DENND1A: variants seen among roughly 807,000 people sequenced by gnomAD.
DENND1A encodes the protein DENN domain-containing protein 1A.
In DENND1A, 51 loss-of-function variants were observed where a neutral mutation model predicts 113.7. The observed-to-expected ratio is 0.45, with a 90% CI of 0.36 to 0.57. The LOEUF (loss-of-function observed/expected upper bound fraction) is 0.57, where lower values mean the gene tolerates loss of function less well. Among genes scored for constraint, DENND1A ranks in the 20% least tolerant of loss-of-function variants. The probability of loss-of-function intolerance (pLI) is 0.00; values close to 1 mark genes in which losing one functional copy is unlikely to be tolerated. For missense variants in DENND1A, 1,258 were observed against 1,395.9 expected, an observed-to-expected ratio of 0.90 and a Z score of 1.57; for synonymous variants, 565 against 570.8, an observed-to-expected ratio of 0.99 and a Z score of 0.14.
In DENND1A at chr9:123,383,828, T is replaced by G. The variant is rs754580261; in HGVS notation, c.1846A>C (p.Thr616Pro). 3 of 1,613,946 alleles carry G rather than the reference T, an allele frequency of 1.9e-6. No homozygotes were observed. The South Asian group carries it at 3.3e-5, about 18-fold the overall frequency. Residue 616 changes from threonine (T) to proline (P), a missense_variant, in exon 23 of 24, where the codon ACA becomes CCA. By Grantham distance (38) the Thr-to-Pro change is conservative. Transcript: ENST00000394215. ...TCAGGGGGAGCTGGGACAGGGCCTG[T>G]GGACTTCCGCACTTGCTGCTCTGGA... Reference protein sequence around the residue: ...ESPEQQVRKSTGPVPAPPDRA... With the variant: ...ESPEQQVRKSPGPVPAPPDRA...
chr9:123,497,710 C>G (rs2052057308), intron 13 of DENND1A, among the ~76,000 whole-genome samples: 1 of 151,196 alleles, frequency 6.6e-6, no homozygotes, highest in Non-Finnish European at 1.5e-5. Context: ...TTATTTCAAC[C>G]CAAAAAACTA....
rs542403575 is a variant in DENND1A at position 123,861,994 on chromosome 9, C to T, written c.88+16957G>A. On this transcript the variant is annotated intron_variant, in intron 2 of 23. Transcript: ENST00000394215. ...CCAGGCAAATCATTTTAAGCTAGTA[C>T]CATACTACACAGGCTCTTTCAGCAA... 4.6e-5 allele frequency among the ~76,000 whole-genome samples: 7 copies of T among 152,274 alleles called. No homozygotes were observed. The East Asian group carries it at 1.2e-3, about 25-fold the overall frequency.
At chr9:123,848,544 G>A (rs1300863385) in intron 2 of DENND1A, among the ~76,000 whole-genome samples, 1 of 152,168 alleles carries the variant, frequency 6.6e-6, no homozygotes, top group Middle Eastern at 3.4e-3. Context: ...CTTATTCCTT[G>A]AGACACAATA....
chr9:123,657,372 T>C (rs2063006089), intron 8 of DENND1A, among the ~76,000 whole-genome samples: 1 of 124,464 alleles, frequency 8.0e-6, no homozygotes, highest in East Asian at 2.3e-4. Context: ...GATCCATGCC[T>C]GAGGTTACGA....
At chr9:123,544,503 T>C (rs2056515516) in intron 13 of DENND1A, among the ~76,000 whole-genome samples, 1 of 152,188 alleles carries the variant, frequency 6.6e-6, no homozygotes. Context: ...ATGAACCACA[T>C]GGTAATCACC....
intron 2 of DENND1A, among the ~76,000 whole-genome samples, chr9:123,812,374 C>T (rs866460020): frequency 6.6e-6 from 1 of 151,672 alleles, no homozygotes; most frequent in African/African-American, 2.4e-5. Flanking sequence ...TAATAAGTCA[C>T]AATTTATCCA....
At chr9:123,642,547 C>T (rs1240937373) in intron 9 of DENND1A, among the ~76,000 whole-genome samples, 3 of 152,196 alleles carry the variant, frequency 2.0e-5, no homozygotes, top group East Asian at 3.9e-4. Flanking sequence ...TCCTTTTTAA[C>T]ATATAAAAGA....
intron 19 of DENND1A, among the ~76,000 whole-genome samples, chr9:123,424,947 C>T (rs921142658): frequency 6.6e-6 from 1 of 152,148 alleles, no homozygotes; most frequent in Non-Finnish European, 1.5e-5. Flanking sequence ...CTGGGCACAG[C>T]CAGGTTAATA....
At chr9:123,415,907 A>G (rs2044688960) in intron 19 of DENND1A, among the ~76,000 whole-genome samples, 1 of 152,056 alleles carries the variant, frequency 6.6e-6, no homozygotes, top group East Asian at 1.9e-4. Context: ...GGGGACACAG[A>G]TGGGGAAGAG....
chr9:123,585,914 A>G (rs2059141348), intron 11 of DENND1A, among the ~76,000 whole-genome samples: 2 of 152,206 alleles, frequency 1.3e-5, no homozygotes, highest in South Asian at 4.1e-4. Context: ...CTGGCCACAC[A>G]GTAGGATGTA....
intron 11 of DENND1A, among the ~76,000 whole-genome samples, chr9:123,607,251 G>T (rs894839330): frequency 6.6e-6 from 1 of 151,740 alleles, no homozygotes; most frequent in African/African-American, 2.4e-5. Flanking sequence ...AATGAATAAG[G>T]CTTTTGCAAG....
intron 19 of DENND1A, among the ~76,000 whole-genome samples, chr9:123,432,818 C>G (rs1270941257): frequency 6.6e-6 from 1 of 152,214 alleles, no homozygotes; most frequent in Admixed American, 6.5e-5. Context: ...CAGGCTTGGG[C>G]AGCATTATCC....
chr9:123,381,623 G>C lies in DENND1A; in HGVS notation c.3022C>G (p.Pro1008Ala). 6.2e-7 allele frequency: 1 copy of C among 1,612,386 alleles called. No individual in the cohort carries two copies. The highest frequency in any genetic ancestry group is 8.5e-7 in the Non-Finnish European group (1 of 1,179,584). Reference sequence around the variant, plus strand: ...GGGGGCCTGGGAGGCAGAAGCGGGGGGTCTCCAGGCCTCAGGGCCAGCCCC... The same window carrying C: ...GGGGGCCTGGGAGGCAGAAGCGGGGCGTCTCCAGGCCTCAGGGCCAGCCCC... ...KQGLALRPGDPPLLPPRPPQG... is the reference protein window; with the variant it reads ...KQGLALRPGDAPLLPPRPPQG... The change falls in exon 24 of 24, where the codon CCC becomes GCC. Residue 1008 changes from proline (P) to alanine (A), a missense_variant. Around this residue, in one of 2 missense-constraint regions of DENND1A, gnomAD observed 1,159 missense variants for 1,231.7 expected, o/e 0.94. Coordinates refer to ENST00000394215, the MANE Select transcript of DENND1A (RefSeq NM_001352964.2). This position sits in a 1 kb window ranked among gnomAD's most constrained non-coding sequence, Gnocchi z 4.7.
chr9:123,732,322 G>GAAC (rs370389677), intron 5 of DENND1A, among the ~76,000 whole-genome samples: 104 of 152,246 alleles, frequency 6.8e-4, no homozygotes, highest in African/African-American at 2.5e-3. Flanking sequence ...AACAAACTAT[G>GAAC]AACACATTCT....
intron 13 of DENND1A, among the ~76,000 whole-genome samples, chr9:123,458,918 G>A (rs1169555749): frequency 6.6e-6 from 1 of 152,120 alleles, no homozygotes; most frequent in Admixed American, 6.6e-5. Flanking sequence ...CCAAGATCAT[G>A]CCACTGCACT....
At chr9:123,608,241 C>T (rs1003754774) in intron 11 of DENND1A, among the ~76,000 whole-genome samples, 1 of 152,178 alleles carries the variant, frequency 6.6e-6, no homozygotes, top group Non-Finnish European at 1.5e-5. Context: ...TCAAGATTCT[C>T]AATGTCAAAC....
intron 3 of DENND1A, among the ~76,000 whole-genome samples, chr9:123,773,031 C>T (rs564434248): frequency 1.3e-5 from 2 of 152,254 alleles, no homozygotes; most frequent in African/African-American, 2.4e-5. Flanking sequence ...CAGCATTCAA[C>T]CCCTTTGTGT....
chr9:123,917,507 G>A (rs1855377476), intron 1 of DENND1A, among the ~76,000 whole-genome samples: 1 of 152,100 alleles, frequency 6.6e-6, no homozygotes, highest in Non-Finnish European at 1.5e-5. Flanking sequence ...TAAAAGTGAT[G>A]AGGTTAAATA....
intron 13 of DENND1A, chr9:123,492,718 G>A (rs930469960): frequency 6.6e-6 from 1 of 152,160 alleles, no homozygotes; most frequent in African/African-American, 2.4e-5. Flanking sequence ...AAGACAGTGC[G>A]ACATGTGATA....
Sources: allele counts gnomAD v4.1 joint callset (sites outside exome capture counted in the v4.1 genomes callset), GRCh38; gene constraint gnomAD v4.1.1; regional missense constraint gnomAD v4.1.1; non-coding constraint Gnocchi (gnomAD v3.1); transcripts MANE v1.5; gene names NCBI Gene and HGNC (gene_info 2026-07-23, HGNC 2026-07-21).